ODAD2: variants seen among roughly 807,000 people sequenced by gnomAD.
ODAD2 encodes outer dynein arm-docking complex subunit 2.
Under a neutral mutation model 106.8 loss-of-function variants are expected in ODAD2, and 89 were observed. The ratio of observed to expected loss-of-function variants is 0.83; its 90% confidence interval spans 0.70 to 0.99. ODAD2 has a LOEUF of 0.99. Among genes scored for constraint, ODAD2 ranks in the 50% least tolerant of loss-of-function variants. The pLI, the probability that ODAD2 is intolerant of heterozygous loss-of-function variation, is 0.00. For missense variants in ODAD2, 1,168 were observed against 1,238.5 expected, an observed-to-expected ratio of 0.94 and a Z score of 0.85; for synonymous variants, 404 against 436.2, an observed-to-expected ratio of 0.93 and a Z score of 0.92.
chr10:27,984,038 T>C, intron 5 of ODAD2, 59 bp from the exon 6 acceptor site: 1 of 1,573,604 alleles, frequency 6.4e-7, no homozygotes. Context: ...TGGTAAAAAG[T>C]GTTGGCTTCC....
chr10:27,862,390 T>C (rs1436582247), intron 18 of ODAD2, 44 bp downstream of exon 18: 4 of 1,486,178 alleles, frequency 2.7e-6, no homozygotes, highest in Middle Eastern at 1.9e-4. Flanking sequence ...CACCATGATA[T>C]CTCAGGACAA....
chr10:27,821,164 G>A (rs1381385060), intron 19 of ODAD2, among the ~76,000 whole-genome samples: 4 of 152,124 alleles, frequency 2.6e-5, no homozygotes, highest in Non-Finnish European at 4.4e-5. Flanking sequence ...GCTAAGTACA[G>A]TCTCAATCAA....
Position 27,894,359 on chromosome 10 carries a change from A to T in ODAD2, c.2610+13304T>A, listed in dbSNP as rs142689838. On this transcript the variant is annotated intron_variant, in intron 17 of 19. Transcript: ENST00000305242. ...ACATAACCTCCACGGATATACATTTACATGTATCTTTGGTCATATTATTTC... is the reference window on the plus strand; with the variant it reads ...ACATAACCTCCACGGATATACATTTTCATGTATCTTTGGTCATATTATTTC... Among the ~76,000 whole-genome samples the T allele has an allele frequency of 1.6e-3, 238 of 152,248 alleles. 2 individuals carry two copies. The highest frequency in any genetic ancestry group is 5.4e-3 in the African/African-American group (225 of 41,558).
chr10:27,864,841 C>T (rs1451423605), intron 17 of ODAD2, among the ~76,000 whole-genome samples: 1 of 151,730 alleles, frequency 6.6e-6, no homozygotes, highest in Non-Finnish European at 1.5e-5. Context: ...AGGCATGGTA[C>T]TACGCACTTC....
chr10:27,919,437 G>A (rs1485742358), intron 16 of ODAD2, among the ~76,000 whole-genome samples: 1 of 152,020 alleles, frequency 6.6e-6, no homozygotes, highest in Admixed American at 6.6e-5. Flanking sequence ...TAATGCATAT[G>A]TGTTCAAAAT....
intron 19 of ODAD2, among the ~76,000 whole-genome samples, chr10:27,848,719 A>G (rs972218259): frequency 2.6e-5 from 4 of 152,078 alleles, no homozygotes; most frequent in African/African-American, 7.2e-5. Context: ...ACAAGAAAAA[A>G]CTCCATCAAA....
At chr10:27,944,757 G>C in intron 11 of ODAD2, 59 bp downstream of exon 11, 1 of 1,605,948 alleles carries the variant, frequency 6.2e-7, no homozygotes, top group Non-Finnish European at 8.5e-7. Context: ...CTAGAGCTAA[G>C]AAGAGAGCCC....
intron 2 of ODAD2, 138 bp downstream of exon 2, chr10:27,994,781 G>A: frequency 1.2e-6 from 1 of 848,874 alleles, no homozygotes; most frequent in Non-Finnish European, 1.8e-6. Flanking sequence ...TCACCTGTGT[G>A]TCTCTGGTTT....
At chr10:27,863,505 T>C (rs1840223977) in intron 17 of ODAD2, among the ~76,000 whole-genome samples, 1 of 152,142 alleles carries the variant, frequency 6.6e-6, no homozygotes, top group African/African-American at 2.4e-5. Flanking sequence ...TACAAGTAAA[T>C]TTGAGCAAGT....
chr10:27,954,919 T>A (rs570044173), intron 10 of ODAD2, among the ~76,000 whole-genome samples: 34 of 152,308 alleles, frequency 2.2e-4, no homozygotes, highest in African/African-American at 8.2e-4. Context: ...ACAATATCTA[T>A]GAAAGCATAA....
intron 10 of ODAD2, among the ~76,000 whole-genome samples, chr10:27,949,077 A>G (rs964404249): frequency 1.3e-5 from 2 of 152,056 alleles, no homozygotes; most frequent in African/African-American, 4.8e-5. Context: ...CTCCCTTACC[A>G]TTGATAAGGA....
chr10:27,934,980 T>G (rs192128600), intron 16 of ODAD2, 30 bp downstream of exon 16: 1 of 1,612,868 alleles, frequency 6.2e-7, no homozygotes, highest in South Asian at 1.1e-5. Context: ...AACACTTATA[T>G]AAAATCTTTC....
chr10:27,840,403 G>C (rs1180042294), intron 19 of ODAD2, among the ~76,000 whole-genome samples: 1 of 152,164 alleles, frequency 6.6e-6, no homozygotes. Flanking sequence ...ACATCTTTTG[G>C]AGTGCCTTCC....
chr10:27,885,622 A>T (rs1208952343), intron 17 of ODAD2, among the ~76,000 whole-genome samples: 1 of 58,346 alleles, frequency 1.7e-5, no homozygotes, highest in African/African-American at 7.3e-5. Context: ...TATAAATATA[A>T]ATATATAAAA....
intron 2 of ODAD2, among the ~76,000 whole-genome samples, chr10:27,993,988 G>A (rs1256706681): frequency 6.6e-6 from 1 of 151,004 alleles, no homozygotes; most frequent in African/African-American, 2.4e-5. Context: ...GTGTGTGTGT[G>A]TGTGTGTGTG....
chr10:27,985,681 T>C, intron 3 of ODAD2, among the ~76,000 whole-genome samples: 1 of 152,116 alleles, frequency 6.6e-6, no homozygotes, highest in Non-Finnish European at 1.5e-5. Context: ...TTCCTAAGCC[T>C]ACAGACCCAG....
chr10:27,897,586 G>C (rs773013480), intron 17 of ODAD2, among the ~76,000 whole-genome samples: 2 of 152,074 alleles, frequency 1.3e-5, no homozygotes, highest in Non-Finnish European at 2.9e-5. Flanking sequence ...CTGAACTACT[G>C]TAATAGCCCA....
intron 16 of ODAD2, among the ~76,000 whole-genome samples, chr10:27,910,360 G>A (rs1190560148): frequency 1.5e-4 from 23 of 152,070 alleles, no homozygotes; most frequent in Non-Finnish European, 1.5e-5. Flanking sequence ...TATTAAACCT[G>A]CAATTCCAGA....
chr10:27,984,871 T>TTTTTAATA (rs1849775365), intron 4 of ODAD2, 148 bp downstream of exon 4: 1 of 373,648 alleles, frequency 2.7e-6, no homozygotes, highest in Admixed American at 4.7e-5. Flanking sequence ...TAAAGGTTCC[T>TTTTTAATA]TTTTAATTTT....
Sources: gnomAD v4.1 joint callset for allele counts (sites outside exome capture counted in the v4.1 genomes callset) on GRCh38, gnomAD v4.1.1 for gene constraint, MANE v1.5 for transcripts, NCBI Gene and HGNC (gene_info 2026-07-23, HGNC 2026-07-21) for gene names.